The following PIN4 variants were observed in gnomAD, a reference collection of about 807,000 sequenced individuals.
PIN4 encodes peptidyl-prolyl cis-trans isomerase NIMA-interacting 4.
PIN4 carries 3 observed loss-of-function variants against 8.3 expected under a neutral mutation model. The ratio of observed to expected loss-of-function variants is 0.36; its 90% confidence interval spans 0.16 to 0.93. The LOEUF is 0.93. Ranked by LOEUF, PIN4 falls within the 40% of genes least tolerant of loss-of-function variation. The probability of loss-of-function intolerance (pLI) is 0.44; values close to 1 mark genes in which losing one functional copy is unlikely to be tolerated. For synonymous variants in PIN4, 18 were observed against 32.5 expected, an observed-to-expected ratio of 0.55 and a Z score of 1.52; for missense variants, 75 against 100.6, an observed-to-expected ratio of 0.75 and a Z score of 1.09.
At chrX:72,223,594 G>A (rs1351081407) in intron 3 of PIN4, among the ~76,000 whole-genome samples, 1 of 110,201 alleles carries the variant, frequency 9.1e-6, no homozygotes. Context: ...TCGCCATGTT[G>A]GTCAGGCTGG....
intron 3 of PIN4, chrX:72,238,967 A>AGCTTGGG (rs1204058315): frequency 2.0e-6 from 2 of 1,013,358 alleles, no homozygotes; most frequent in African/African-American, 3.7e-5. Flanking sequence ...TGGAGCTTGG[A>AGCTTGGG]GCTTGGAGCT....
chrX:72,214,677 A>C (rs1226275263), intron 3 of PIN4, among the ~76,000 whole-genome samples: 1 of 100,184 alleles, frequency 1.0e-5, no homozygotes, highest in African/African-American at 3.7e-5. Flanking sequence ...CATCTCAAAA[A>C]AAAAAAAAAA....
chrX:72,184,258 A>G (rs1296557683), intron 1 of PIN4, among the ~76,000 whole-genome samples: 1 of 111,788 alleles, frequency 8.9e-6, no homozygotes, highest in Non-Finnish European at 1.9e-5. Context: ...CTGGTGGCCT[A>G]GGTGAATGTA....
intron 2 of PIN4, among the ~76,000 whole-genome samples, chrX:72,188,318 C>T (rs1356347360): frequency 8.9e-6 from 1 of 112,172 alleles, no homozygotes; most frequent in Admixed American, 9.5e-5. Flanking sequence ...AAGCATCTAA[C>T]CTAAGAGACT....
At chrX:72,213,741 G>A (rs1187509143) in intron 3 of PIN4, among the ~76,000 whole-genome samples, 2 of 111,980 alleles carry the variant, frequency 1.8e-5, no homozygotes, top group Non-Finnish European at 3.8e-5. Flanking sequence ...TGGGTTCCAC[G>A]GTTCTCTTCC....
In PIN4 at chrX:72,192,633, G is replaced by A. The variant is rs73550757; in HGVS notation, c.118-4152G>A. ...AGGTTCTTGCTCTGTCACACAGGCC[G>A]GGGTGCATGACATGCAGTGGCATGA... On this transcript the variant is annotated intron_variant, in intron 2 of 3. Coordinates refer to ENST00000373669, the MANE Select transcript of PIN4 (RefSeq NM_006223.4). Among the ~76,000 whole-genome samples, 79 of 110,334 alleles carry A rather than the reference G, an allele frequency of 7.2e-4. 1 individual carries two copies. The highest frequency in any genetic ancestry group is 2.1e-3 in the African/African-American group (64 of 30,270).
chrX:72,232,711 G>A (rs1304096962), intron 3 of PIN4, among the ~76,000 whole-genome samples: 1 of 111,975 alleles, frequency 8.9e-6, no homozygotes, highest in African/African-American at 3.2e-5. Context: ...TCAGGAGGCT[G>A]AGGCAGGAGA....
chrX:72,190,924 G>A (rs1235492079), intron 2 of PIN4, among the ~76,000 whole-genome samples: 2 of 103,949 alleles, frequency 1.9e-5, no homozygotes, highest in Non-Finnish European at 3.9e-5. Context: ...CTGCACTCCA[G>A]CCTGGGCAAC....
At chrX:72,227,998 T>C (rs1439609805) in intron 3 of PIN4, among the ~76,000 whole-genome samples, 1 of 112,642 alleles carries the variant, frequency 8.9e-6, no homozygotes, top group Non-Finnish European at 1.9e-5. Context: ...CTTCCTTATT[T>C]GAAGGTGTTT....
At chrX:72,210,605 A>G (rs1361922886) in intron 3 of PIN4, among the ~76,000 whole-genome samples, 4 of 111,630 alleles carry the variant, frequency 3.6e-5, no homozygotes, top group African/African-American at 1.3e-4. Flanking sequence ...TCTTTCCCAG[A>G]GACTAAAGTG....
At chrX:72,226,194 A>G (rs2042952595) in intron 3 of PIN4, among the ~76,000 whole-genome samples, 2 of 111,518 alleles carry the variant, frequency 1.8e-5, no homozygotes, top group Non-Finnish European at 1.9e-5. Context: ...CTCATGCTTG[A>G]ATTTAATTGA....
chrX:72,240,652 T>C (rs760874278), intron 3 of PIN4, among the ~76,000 whole-genome samples: 1 of 109,539 alleles, frequency 9.1e-6, no homozygotes, highest in Non-Finnish European at 1.9e-5. Context: ...CTACAAAAAT[T>C]AGCTGGGCAT....
Position 72,244,135 on chromosome X carries a change from T to C in PIN4, c.313-18572T>C, listed in dbSNP as rs757019874. 2.7e-5 allele frequency among the ~76,000 whole-genome samples: 3 copies of C among 111,553 alleles called. No individual in the cohort carries two copies. In the South Asian group the frequency reaches 1.1e-3, roughly 41 times the overall value. On this transcript the variant is annotated intron_variant, in intron 3 of 3. Coordinates refer to the PIN4 transcript ENST00000423432. ...AAGGATCCAGGTGCTGGGGGTAGAGTGGTGAGAAAAACAGACAAGTCCTTG... is the reference window on the plus strand; with the variant it reads ...AAGGATCCAGGTGCTGGGGGTAGAGCGGTGAGAAAAACAGACAAGTCCTTG...
intron 3 of PIN4, among the ~76,000 whole-genome samples, chrX:72,233,321 G>A (rs1382753636): frequency 8.9e-6 from 1 of 111,757 alleles, no homozygotes; most frequent in Non-Finnish European, 1.9e-5. Flanking sequence ...TCAAATCATT[G>A]TCATAGAAAT....
At chrX:72,242,374 C>T (rs1486695108) in intron 3 of PIN4, among the ~76,000 whole-genome samples, 1 of 111,816 alleles carries the variant, frequency 8.9e-6, no homozygotes, top group Non-Finnish European at 1.9e-5. Flanking sequence ...CCCCTTCGGT[C>T]CTGTAGTCTG....
rs1247081390 is a variant in PIN4, at chrX:72,197,912, T to C, written c.*386T>C. 3 of 750,905 alleles carry C rather than the reference T, an allele frequency of 4.0e-6. No individual in the cohort carries two copies. The highest frequency in any genetic ancestry group is 2.3e-5 in the African/African-American group (1 of 43,663). 61.9% of individuals were successfully genotyped at this position (750,905 alleles called of 1,213,427 possible). A position where few individuals can be genotyped will look rare whatever the true frequency, so the allele number is the denominator to read the frequency against. On this transcript the variant is annotated 3_prime_UTR_variant, in exon 4 of 4. Coordinates refer to ENST00000373669, the MANE Select transcript of PIN4 (RefSeq NM_006223.4). ...CTGAAAATATTGGGCATCAAATAGA[T>C]TAGTGTGTGAGAATCATAAAATAAG... is the stretch of plus-strand genomic sequence containing the variant.
chrX:72,253,692 T>C (rs1320486789), intron 3 of PIN4, among the ~76,000 whole-genome samples: 1 of 109,031 alleles, frequency 9.2e-6, no homozygotes, highest in African/African-American at 3.3e-5. Flanking sequence ...CCCAGCACTT[T>C]GGCAAGCTGA....
chrX:72,225,300 G>A (rs371341202), intron 3 of PIN4, among the ~76,000 whole-genome samples: 3 of 111,976 alleles, frequency 2.7e-5, no homozygotes, highest in African/African-American at 6.5e-5. Flanking sequence ...TCACTATTTC[G>A]GTCAGGCACT....
chrX:72,237,733 C>T (rs1254145731), intron 3 of PIN4: 2 of 111,324 alleles, frequency 1.8e-5, no homozygotes, highest in Non-Finnish European at 3.8e-5. Context: ...CGCGCCACTG[C>T]ACTCCAGCCT....
Sources: gnomAD v4.1 joint callset for allele counts (sites outside exome capture counted in the v4.1 genomes callset) on GRCh38, gnomAD v4.1.1 for gene constraint, MANE v1.5 for transcripts, NCBI Gene and HGNC (gene_info 2026-07-23, HGNC 2026-07-21) for gene names.